Variants in EDA observed in about 807,000 individuals in gnomAD.
The protein encoded by EDA is ectodysplasin-A.
In EDA, 2 loss-of-function variants were observed where a neutral mutation model predicts 23.6. The observed-to-expected ratio is 0.08, with a 90% CI of 0.03 to 0.27. EDA has a LOEUF of 0.27. Ranked by LOEUF, EDA falls within the 10% of genes least tolerant of loss-of-function variation. The pLI is 1.00. For synonymous variants in EDA, 131 were observed against 132.0 expected (o/e 0.99, Z 0.05); for missense variants, 229 against 324.2 (o/e 0.71, Z 2.26).
Position 69,789,216 on chromosome X carries a change from C to T in EDA, c.397-167811C>T, listed in dbSNP as rs1478976724. On this transcript the variant is annotated intron_variant, in intron 1 of 7. Transcript: ENST00000374552. Reference sequence around the variant, plus strand: ...CTCGCACTCCCTAGTGAGATGAACCCGGTACCTCAGATGGAAATGCAGAAA... The same window carrying T: ...CTCGCACTCCCTAGTGAGATGAACCTGGTACCTCAGATGGAAATGCAGAAA... 5.4e-5 allele frequency among the ~76,000 whole-genome samples: 6 copies of T among 111,890 alleles called. No individual in the cohort carries two copies. In the South Asian group the frequency reaches 1.5e-3, roughly 28 times the overall value.
rs746429457 is a variant in EDA, at chrX:69,916,496, G to A, written c.397-40531G>A. Among the ~76,000 whole-genome samples the A allele has an allele frequency of 1.0e-4, 10 of 98,012 alleles. 1 individual carries two copies. Among genetic ancestry groups the A allele is most frequent in the Non-Finnish European group, 1.8e-4 (9 of 50,215 alleles). 85.1% of individuals were successfully genotyped at this position (98,012 alleles called of 115,157 possible). ...TGGCTCACTGCAAGCTCTGCCTCCC[G>A]GGTTCACGCCATTCTCCTGCCTCAG... is the stretch of plus-strand genomic sequence containing the variant. On this transcript the variant is annotated intron_variant, in intron 1 of 7. Coordinates refer to ENST00000374552, the MANE Select transcript of EDA (RefSeq NM_001399.5).
intron 5 of EDA, 115 bp downstream of exon 5, chrX:70,029,653 A>G: frequency 1.3e-6 from 1 of 799,209 alleles, no homozygotes; most frequent in Non-Finnish European, 1.9e-6. Flanking sequence ...AACACCCCGG[A>G]GATTCTGACG....
At chrX:69,757,562 T>C (rs1207086381) in intron 1 of EDA, among the ~76,000 whole-genome samples, 1 of 112,347 alleles carries the variant, frequency 8.9e-6, no homozygotes, top group East Asian at 2.8e-4. Flanking sequence ...TAATTAAAAA[T>C]ATATTCTCAC....
intron 1 of EDA, among the ~76,000 whole-genome samples, chrX:69,795,092 T>C (rs1357189774): frequency 2.7e-5 from 3 of 112,031 alleles, no homozygotes; most frequent in Non-Finnish European, 5.6e-5. Context: ...GGCACAATCA[T>C]AGCTCACTAC....
chrX:69,616,340 T>G lies in EDA; in HGVS notation c.32T>G (p.Leu11Arg). The G allele has an allele frequency of 1.7e-6, 2 of 1,203,603 alleles. No homozygotes were observed. The highest frequency in any genetic ancestry group is 2.2e-6 in the Non-Finnish European group (2 of 894,125). The change falls in exon 1 of 8, where the codon CTC becomes CGC. Residue 11 changes from leucine to arginine, a missense_variant. By Grantham distance (102) the Leu-to-Arg change is moderately radical. Coordinates refer to ENST00000374552, the MANE Select transcript of EDA (RefSeq NM_001399.5). MGYPEVERRE[L>R]LPAAAPRERG... Reference sequence around the variant, plus strand: ...TACCCGGAGGTGGAGCGCAGGGAACTCCTGCCTGCAGCAGCGCCGCGGGAG... The same window carrying G: ...TACCCGGAGGTGGAGCGCAGGGAACGCCTGCCTGCAGCAGCGCCGCGGGAG...
chrX:69,975,080 G>A (rs1008629032), intron 2 of EDA, among the ~76,000 whole-genome samples: 1 of 111,595 alleles, frequency 9.0e-6, no homozygotes, highest in African/African-American at 3.3e-5. Context: ...ACTAAAAGTA[G>A]AACTACCATT....
chrX:70,030,810 C>A (rs953479924), intron 6 of EDA, among the ~76,000 whole-genome samples: 2 of 112,323 alleles, frequency 1.8e-5, no homozygotes, highest in African/African-American at 6.5e-5. Flanking sequence ...ATCAGAGCCA[C>A]CATGGAGATA....
chrX:69,616,333 A>G lies in EDA; in HGVS notation c.25A>G (p.Arg9Gly), dbSNP rs753604818. The G allele has an allele frequency of 8.3e-7, 1 of 1,201,886 alleles. No homozygotes were observed. Among genetic ancestry groups the G allele is most frequent in the East Asian group, 3.0e-5 (1 of 33,716 alleles). Residue 9 changes from arginine (R) to glycine (G), a missense_variant, in exon 1 of 8, where the codon AGG becomes GGG. Around this residue, in one of 2 missense-constraint regions of EDA, gnomAD observed 54 missense variants for 42.4 expected, o/e 1.27. Transcript: ENST00000374552. MGYPEVER[R>G]ELLPAAAPRE... ...CATGGGCTACCCGGAGGTGGAGCGC[A>G]GGGAACTCCTGCCTGCAGCAGCGCC...
chrX:69,630,694 C>CT (rs1207124131), intron 1 of EDA, among the ~76,000 whole-genome samples: 2 of 112,209 alleles, frequency 1.8e-5, no homozygotes, highest in Non-Finnish European at 3.8e-5. Flanking sequence ...TTATGTAAAA[C>CT]TTTTTTTCTA....
intron 1 of EDA, among the ~76,000 whole-genome samples, chrX:69,752,074 C>A (rs1198345029): frequency 9.0e-6 from 1 of 111,124 alleles, no homozygotes; most frequent in Non-Finnish European, 1.9e-5. Flanking sequence ...TTATTTCTTT[C>A]TCTTGCCTGA....
intron 1 of EDA, among the ~76,000 whole-genome samples, chrX:69,645,180 A>G (rs188230440): frequency 9.0e-6 from 1 of 110,540 alleles, no homozygotes; most frequent in Admixed American, 9.7e-5. Context: ...AAACAGTACC[A>G]ACTCTTCTTT....
chrX:70,001,486 T>C (rs959626250), intron 2 of EDA, among the ~76,000 whole-genome samples: 2 of 111,880 alleles, frequency 1.8e-5, no homozygotes, highest in Non-Finnish European at 3.8e-5. Context: ...GAACAGCACA[T>C]TGATGCCAGC....
rs200410370 is a variant in EDA, at chrX:69,948,237, CTTT to C, written c.397-8785_397-8783del. 9.0e-3 allele frequency among the ~76,000 whole-genome samples: 1,015 copies of C among 112,357 alleles called. 14 individuals are homozygous for C. Among genetic ancestry groups the C allele is most frequent in the African/African-American group, 0.031 (961 of 30,945 alleles). On this transcript the variant is annotated intron_variant, in intron 1 of 7. Transcript: ENST00000374552. ...ATGGTAATCTTCCCAAGTAAAAATA[CTTT>C]TTTTATTTTCCTTTCTACTTTGTAG... is the stretch of plus-strand genomic sequence containing the variant.
chrX:70,014,429 A>G (rs997541880), intron 2 of EDA, among the ~76,000 whole-genome samples: 1 of 112,730 alleles, frequency 8.9e-6, no homozygotes, highest in African/African-American at 3.2e-5. Context: ...AACAAAGTCA[A>G]CTGACCATAA....
At chrX:69,792,316 T>C (rs1353163875) in intron 1 of EDA, among the ~76,000 whole-genome samples, 1 of 112,365 alleles carries the variant, frequency 8.9e-6, no homozygotes, top group Non-Finnish European at 1.9e-5. Context: ...TTTTTATGGA[T>C]GAGTGGTGTT....
intron 1 of EDA, among the ~76,000 whole-genome samples, chrX:69,688,694 C>G (rs1017441610): frequency 1.8e-5 from 2 of 111,522 alleles, no homozygotes; most frequent in African/African-American, 6.5e-5. Context: ...AGCCACTGCA[C>G]CTGACCCAAA....
chrX:69,726,319 C>T (rs2012799681), intron 1 of EDA, among the ~76,000 whole-genome samples: 1 of 111,537 alleles, frequency 9.0e-6, no homozygotes, highest in South Asian at 3.8e-4. Flanking sequence ...AGAGGAGGGA[C>T]CCTGGTAATT....
chrX:69,988,374 G>C (rs1295539579), intron 2 of EDA, among the ~76,000 whole-genome samples: 1 of 111,696 alleles, frequency 9.0e-6, no homozygotes, highest in Non-Finnish European at 1.9e-5. Context: ...TAATTTAACT[G>C]TACATTTTTA....
At chrX:69,998,728 C>T (rs928707320) in intron 2 of EDA, among the ~76,000 whole-genome samples, 1 of 111,396 alleles carries the variant, frequency 9.0e-6, no homozygotes, top group African/African-American at 3.3e-5. Flanking sequence ...GGGGCAGTTT[C>T]CCCCATACTG....
Sources: gnomAD v4.1 joint callset for allele counts (sites outside exome capture counted in the v4.1 genomes callset) on GRCh38, gnomAD v4.1.1 for gene constraint, gnomAD v4.1.1 regional missense constraint, MANE v1.5 for transcripts, NCBI Gene and HGNC (gene_info 2026-07-23, HGNC 2026-07-21) for gene names.